The following GPD1L variants were observed in gnomAD, a reference collection of about 807,000 sequenced individuals.
GPD1L encodes the protein glycerol-3-phosphate dehydrogenase 1-like protein.
Under a neutral mutation model 32.9 loss-of-function variants are expected in GPD1L, and 17 were observed. That is an observed-to-expected ratio of 0.52 (90% CI 0.35 to 0.78). GPD1L has a LOEUF of 0.78. Among genes scored for constraint, GPD1L ranks in the 30% least tolerant of loss-of-function variants. GPD1L has a pLI of 0.01. For missense variants in GPD1L, 361 were observed against 447.8 expected (o/e 0.81, Z 1.75); for synonymous variants, 187 against 165.9 (o/e 1.13, Z -0.98).
chr3:32,116,118 G>A (rs1469495435), intron 1 of GPD1L, among the ~76,000 whole-genome samples: 2 of 152,048 alleles, frequency 1.3e-5, no homozygotes, highest in African/African-American at 4.8e-5. Context: ...GGTTTCTTGA[G>A]TGGATCCACC....
intron 1 of GPD1L, among the ~76,000 whole-genome samples, chr3:32,126,815 C>T (rs959128654): frequency 2.0e-5 from 3 of 152,184 alleles, no homozygotes; most frequent in Non-Finnish European, 4.4e-5. Flanking sequence ...TTAAAAAGTA[C>T]AGATGCCTGA....
At chr3:32,139,849 C>T (rs185760214) in intron 3 of GPD1L, among the ~76,000 whole-genome samples, 40 of 152,238 alleles carry the variant, frequency 2.6e-4, no homozygotes, top group Middle Eastern at 3.4e-3. Flanking sequence ...GACTTGAAAC[C>T]CCAGGGATAA....
intron 1 of GPD1L, among the ~76,000 whole-genome samples, chr3:32,120,441 G>A (rs1025135587): frequency 1.5e-4 from 23 of 152,188 alleles, no homozygotes; most frequent in African/African-American, 5.6e-4. Flanking sequence ...ATTTCAGCAT[G>A]TTTCTATGTA....
intron 4 of GPD1L, among the ~76,000 whole-genome samples, chr3:32,141,597 C>T (rs1350485412): frequency 2.0e-5 from 3 of 151,872 alleles, no homozygotes; most frequent in Non-Finnish European, 4.4e-5. Context: ...AGAAGTATCA[C>T]AAATAATACA....
chr3:32,165,964 G>A lies in GPD1L; in HGVS notation c.*54G>A. On this transcript the variant is annotated 3_prime_UTR_variant, in exon 8 of 8. Coordinates refer to ENST00000282541, the MANE Select transcript of GPD1L (RefSeq NM_015141.4). Reference sequence around the variant, plus strand: ...TTCTGCCTTTCTGATCAATCTTTTGGGTTCACGTGGAAACCAGGACTTGGC... The same window carrying A: ...TTCTGCCTTTCTGATCAATCTTTTGAGTTCACGTGGAAACCAGGACTTGGC... The A allele has an allele frequency of 1.0e-6, 1 of 981,804 alleles. No individual in the cohort carries two copies. The highest frequency in any genetic ancestry group is 1.3e-5 in the South Asian group (1 of 77,918). The allele number at this position is 981,804 out of a possible 1,614,324, so 60.8% of individuals were successfully genotyped here. A position where few individuals can be genotyped will look rare whatever the true frequency, so the allele number is the denominator to read the frequency against.
In GPD1L at chr3:32,128,138, C is replaced by T; in HGVS notation, c.110C>T (p.Thr37Ile). 1 of 1,611,798 alleles carries T rather than the reference C, an allele frequency of 6.2e-7. No homozygotes were observed. Among genetic ancestry groups the T allele is most frequent in the Non-Finnish European group, 8.5e-7 (1 of 1,177,894 alleles). The stretch of plus-strand genomic sequence containing the variant: ...AAGAAACTTCAGAAATTTGCCTCCA[C>T]AGTCAAGATGTGGGTCTTTGAAGAA... ...NVKKLQKFAS[T>I]VKMWVFEETV... is the part of the protein sequence containing the mutation. Residue 37 changes from threonine (T) to isoleucine (I), a missense_variant, in exon 2 of 8, where the codon ACA becomes ATA. Physicochemically the swap from Thr to Ile is moderately conservative, Grantham distance 89. Coordinates refer to ENST00000282541, the MANE Select transcript of GPD1L (RefSeq NM_015141.4).
intron 4 of GPD1L, 88 bp downstream of exon 4, chr3:32,140,454 G>C: frequency 7.0e-7 from 1 of 1,432,790 alleles, no homozygotes; most frequent in Non-Finnish European, 9.8e-7. Flanking sequence ...TTCTGTAATA[G>C]ACTCTTCCCT....
intron 7 of GPD1L, among the ~76,000 whole-genome samples, chr3:32,165,493 T>C (rs1701133705): frequency 6.6e-6 from 1 of 151,450 alleles, no homozygotes; most frequent in Non-Finnish European, 1.5e-5. Flanking sequence ...TATAGACTCC[T>C]CCAAGATTTG....
chr3:32,131,883 A>G (rs993695247), intron 2 of GPD1L, among the ~76,000 whole-genome samples: 3 of 152,214 alleles, frequency 2.0e-5, no homozygotes, highest in African/African-American at 7.2e-5. Flanking sequence ...GTTTCTTCAC[A>G]TTCTCACCAG....
intron 7 of GPD1L, among the ~76,000 whole-genome samples, chr3:32,160,145 C>T (rs545648492): frequency 9.5e-4 from 130 of 136,390 alleles, no homozygotes; most frequent in Non-Finnish European, 1.6e-3. Flanking sequence ...GTCTCTTCAT[C>T]GGGTGGGTAG....
rs182826539 is a variant in GPD1L at position 32,140,233 on chromosome 3, A to G, written c.372A>G (p.Ile124Met). The change falls in exon 4 of 8, where the codon ATA becomes ATG. Residue 124 changes from isoleucine (I) to methionine (M), a missense_variant. Ile to Met is a conservative substitution (Grantham distance 10). Coordinates refer to ENST00000282541, the MANE Select transcript of GPD1L (RefSeq NM_015141.4). ...ACTTCTTGGCATCCTTGTAGGGCAT[A>G]GACGAGGGCCCCGAGGGGCTGAAGC... is the stretch of plus-strand genomic sequence containing the variant. ...KALGITLIKG[I>M]DEGPEGLKLI... The G allele has an allele frequency of 3.4e-5, 55 of 1,614,108 alleles. No homozygotes were observed. In the Middle Eastern group the frequency reaches 5.0e-4, roughly 15 times the overall value.
intron 5 of GPD1L, among the ~76,000 whole-genome samples, chr3:32,148,112 A>G (rs1311426279): frequency 6.6e-6 from 1 of 152,148 alleles, no homozygotes; most frequent in Non-Finnish European, 1.5e-5. Flanking sequence ...CATTAAACTA[A>G]TTACCACTCA....
At chr3:32,147,665 T>G (rs1045356237) in intron 5 of GPD1L, among the ~76,000 whole-genome samples, 3 of 152,230 alleles carry the variant, frequency 2.0e-5, no homozygotes, top group African/African-American at 7.2e-5. Context: ...ATGCCCCTTT[T>G]GAGCCACTTC....
intron 4 of GPD1L, among the ~76,000 whole-genome samples, chr3:32,142,855 C>A (rs1202805766): frequency 6.6e-6 from 1 of 151,990 alleles, no homozygotes; most frequent in Admixed American, 6.6e-5. Flanking sequence ...TGCTTCTATG[C>A]CTTCTCTGTG....
chr3:32,119,406 A>T (rs927196082), intron 1 of GPD1L, among the ~76,000 whole-genome samples: 2 of 152,216 alleles, frequency 1.3e-5, no homozygotes, highest in African/African-American at 4.8e-5. Flanking sequence ...ACATTCTATC[A>T]TAAGCATTTT....
At chr3:32,110,984 G>A (rs994505696) in intron 1 of GPD1L, among the ~76,000 whole-genome samples, 1 of 152,200 alleles carries the variant, frequency 6.6e-6, no homozygotes, top group Non-Finnish European at 1.5e-5. Flanking sequence ...TCATGCCTCC[G>A]CCTTCTGAGT....
intron 5 of GPD1L, chr3:32,151,654 T>G (rs1352185831): frequency 5.9e-6 from 1 of 169,142 alleles, no homozygotes; most frequent in East Asian, 1.7e-4. Context: ...AATTTTTGTA[T>G]TTTTTGTGGA....
intron 4 of GPD1L, among the ~76,000 whole-genome samples, chr3:32,145,138 G>A (rs1173075333): frequency 1.3e-5 from 2 of 151,916 alleles, no homozygotes; most frequent in Non-Finnish European, 2.9e-5. Flanking sequence ...GGCCAACATG[G>A]CGAAACCCCA....
chr3:32,159,479 A>AG (rs1491369230), intron 6 of GPD1L, 89 bp from the exon 7 acceptor site: 258 of 772,210 alleles, frequency 3.3e-4, no homozygotes, highest in East Asian at 1.8e-3. Flanking sequence ...AAAAAAAAAA[A>AG]AGAAAAAAAA....
Sources: allele counts gnomAD v4.1 joint callset (sites outside exome capture counted in the v4.1 genomes callset), GRCh38; gene constraint gnomAD v4.1.1; transcripts MANE v1.5; gene names NCBI Gene and HGNC (gene_info 2026-07-23, HGNC 2026-07-21).